MAP2: variants seen among roughly 807,000 people sequenced by gnomAD.
MAP2 encodes the protein microtubule-associated protein 2.
A neutral mutation model predicts 137.6 loss-of-function variants in MAP2; 14 were observed. The ratio of observed to expected loss-of-function variants is 0.10; its 90% CI spans 0.07 to 0.16. The LOEUF (loss-of-function observed/expected upper bound fraction) is 0.16. MAP2 is among the 10% of genes least tolerant of loss of function. The pLI, the probability that MAP2 is intolerant of heterozygous loss-of-function variation, is 1.00. For synonymous variants in MAP2, 786 were observed against 782.3 expected, an observed-to-expected ratio of 1.00 and a Z score of -0.08; for missense variants, 2,088 against 2,191.5, an observed-to-expected ratio of 0.95 and a Z score of 0.94.
intron 1 of MAP2, among the ~76,000 whole-genome samples, chr2:209,472,367 G>C (rs1477558148): frequency 6.6e-6 from 1 of 152,122 alleles, no homozygotes; most frequent in Non-Finnish European, 1.5e-5. Context: ...TCAACACCAA[G>C]CTTAAAACTA....
chr2:209,690,650 G>A (rs912939917), intron 7 of MAP2: 2 of 1,289,318 alleles, frequency 1.6e-6, no homozygotes, highest in African/African-American at 3.0e-5. Context: ...GAAACCTGCT[G>A]CTCTTCCTGA....
At chr2:209,688,785 T>C (rs1435289772) in intron 7 of MAP2, among the ~76,000 whole-genome samples, 1 of 152,180 alleles carries the variant, frequency 6.6e-6, no homozygotes, top group Non-Finnish European at 1.5e-5. Context: ...AGAGTTTATT[T>C]CCAAAAGGGA....
At chr2:209,638,225 T>G (rs757990807) in intron 4 of MAP2, among the ~76,000 whole-genome samples, 1 of 152,100 alleles carries the variant, frequency 6.6e-6, no homozygotes, top group Non-Finnish European at 1.5e-5. Flanking sequence ...ATTCCTAGAA[T>G]TCACTCTGGG....
intron 3 of MAP2, among the ~76,000 whole-genome samples, chr2:209,610,451 T>G (rs2086441120): frequency 6.6e-6 from 1 of 152,100 alleles, no homozygotes; most frequent in African/African-American, 2.4e-5. Flanking sequence ...TTTTACTTTT[T>G]TTTTTTTCTC....
intron 2 of MAP2, among the ~76,000 whole-genome samples, chr2:209,544,402 G>C (rs1333751700): frequency 6.6e-6 from 1 of 152,080 alleles, no homozygotes; most frequent in African/African-American, 2.4e-5. Context: ...TCTTCACTTT[G>C]ACTATGAAAG....
At position 209,720,957 on chromosome 2, in the gene MAP2, A is replaced by T. The variant is rs113701598; in HGVS notation, c.5074-4752A>T. 4.2e-3 allele frequency among the ~76,000 whole-genome samples: 628 copies of T among 149,934 alleles called. 4 individuals carry two copies. The highest frequency in any genetic ancestry group is 0.014 in the Middle Eastern group (4 of 292). Reference sequence around the variant, plus strand: ...ATAACTCTTTGATTTTTTTTTTTTTAAACTGATCTGGAATATGGCCTTCTC... The same window carrying T: ...ATAACTCTTTGATTTTTTTTTTTTTTAACTGATCTGGAATATGGCCTTCTC... On this transcript the variant is annotated intron_variant, in intron 13 of 15. Coordinates refer to ENST00000682079, the MANE Select transcript of MAP2 (RefSeq NM_001375505.1).
At chr2:209,588,939 A>T (rs2078497567) in intron 3 of MAP2, among the ~76,000 whole-genome samples, 1 of 152,178 alleles carries the variant, frequency 6.6e-6, no homozygotes, top group Non-Finnish European at 1.5e-5. Flanking sequence ...AGCCTGAGAA[A>T]TTCACATAAT....
chr2:209,616,050 C>A (rs1372877990), intron 3 of MAP2, among the ~76,000 whole-genome samples: 1 of 152,286 alleles, frequency 6.6e-6, no homozygotes, highest in South Asian at 2.1e-4. Flanking sequence ...AAGCTATTTT[C>A]ATTGCTCAAT....
chr2:209,499,371 A>G (rs1421726084), intron 1 of MAP2, among the ~76,000 whole-genome samples: 13 of 152,196 alleles, frequency 8.5e-5, no homozygotes, highest in Admixed American at 6.5e-4. Flanking sequence ...CCATATCACT[A>G]TCAGCATTTT....
At position 209,695,097 on chromosome 2, in the gene MAP2, A is replaced by C; in HGVS notation, c.2927A>C (p.His976Pro). The part of the protein sequence containing the change: ...KSEEHADSKE[H>P]AKKTEEAGDE... Reference sequence around the variant, plus strand: ...GAAGAACATGCTGATTCAAAAGAACATGCCAAGAAAACTGAAGAGGCTGGT... The same window carrying C: ...GAAGAACATGCTGATTCAAAAGAACCTGCCAAGAAAACTGAAGAGGCTGGT... Residue 976 changes from histidine (H) to proline (P), a missense_variant, in exon 8 of 16, where the codon CAT becomes CCT. Coordinates refer to ENST00000682079, the MANE Select transcript of MAP2 (RefSeq NM_001375505.1). The C allele has an allele frequency of 6.2e-7, 1 of 1,614,184 alleles. No homozygotes were observed. The highest frequency in any genetic ancestry group is 8.5e-7 in the Non-Finnish European group (1 of 1,180,026).
chr2:209,648,945 T>A (rs192748764), intron 4 of MAP2, among the ~76,000 whole-genome samples: 21 of 152,124 alleles, frequency 1.4e-4, no homozygotes, highest in Non-Finnish European at 2.4e-4. Context: ...CATTGTACAG[T>A]AGGAATGGAA....
At chr2:209,667,156 T>C (rs2046693711) in intron 5 of MAP2, among the ~76,000 whole-genome samples, 1 of 152,040 alleles carries the variant, frequency 6.6e-6, no homozygotes, top group Non-Finnish European at 1.5e-5. Flanking sequence ...AACATAATGA[T>C]TGTATTAAAA....
chr2:209,509,728 GT>G (rs1170150092), intron 2 of MAP2, among the ~76,000 whole-genome samples: 1 of 151,838 alleles, frequency 6.6e-6, no homozygotes, highest in Non-Finnish European at 1.5e-5. Flanking sequence ...GAAAAAGCAT[GT>G]TTATCTGTAA....
At chr2:209,522,129 G>A (rs1428109524) in intron 2 of MAP2, among the ~76,000 whole-genome samples, 1 of 152,010 alleles carries the variant, frequency 6.6e-6, no homozygotes, top group Non-Finnish European at 1.5e-5. Context: ...GCCCCATTAG[G>A]ATTGATGGGC....
chr2:209,623,391 A>G (rs899323149), intron 3 of MAP2, among the ~76,000 whole-genome samples: 4 of 152,198 alleles, frequency 2.6e-5, no homozygotes, highest in Non-Finnish European at 4.4e-5. Flanking sequence ...AAAGACATAC[A>G]CATAGAATGT....
intron 7 of MAP2, among the ~76,000 whole-genome samples, chr2:209,689,951 C>T (rs1238730742): frequency 1.3e-5 from 2 of 152,242 alleles, no homozygotes; most frequent in East Asian, 1.9e-4. Context: ...GCTAACATAA[C>T]TTGACTTAGG....
At chr2:209,639,434 C>T (rs539690670) in intron 4 of MAP2, among the ~76,000 whole-genome samples, 1 of 151,696 alleles carries the variant, frequency 6.6e-6, no homozygotes, top group East Asian at 1.9e-4. Context: ...AGAATCTAGC[C>T]CCTTGTTTCA....
intron 4 of MAP2, among the ~76,000 whole-genome samples, chr2:209,632,096 TAGAC>T (rs145184393): frequency 6.6e-6 from 1 of 152,268 alleles, no homozygotes; most frequent in East Asian, 1.9e-4. Context: ...TAGAATGAAT[TAGAC>T]AGTAGATTCT....
At chr2:209,521,264 A>T (rs576932379) in intron 2 of MAP2, among the ~76,000 whole-genome samples, 1 of 152,086 alleles carries the variant, frequency 6.6e-6, no homozygotes, top group East Asian at 1.9e-4. Context: ...ACGTACATAC[A>T]TGTACTTTAC....
Sources: gnomAD v4.1 joint callset for allele counts (sites outside exome capture counted in the v4.1 genomes callset) on GRCh38, gnomAD v4.1.1 for gene constraint, MANE v1.5 for transcripts, NCBI Gene and HGNC (gene_info 2026-07-23, HGNC 2026-07-21) for gene names.